Variants in PRKCA observed in about 807,000 individuals in gnomAD.
The protein encoded by PRKCA is protein kinase C alpha type.
Under a neutral mutation model 87.0 loss-of-function variants are expected in PRKCA, and 27 were observed. The observed-to-expected ratio is 0.31, with a 90% confidence interval of 0.23 to 0.43. The LOEUF (loss-of-function observed/expected upper bound fraction) is 0.43. Ranked by LOEUF, PRKCA falls within the 20% of genes least tolerant of loss-of-function variation. The pLI is 1.00. For synonymous variants in PRKCA, 329 were observed against 311.1 expected (o/e 1.06, Z -0.61); for missense variants, 518 against 852.3 (o/e 0.61, Z 4.88).
chr17:66,638,171 A>T (rs1263543930), intron 3 of PRKCA: 1 of 151,944 alleles, frequency 6.6e-6, no homozygotes, highest in Non-Finnish European at 1.5e-5. Context: ...TTGCAAATAT[A>T]AAAATGCGTT....
chr17:66,701,549 T>C (rs1455664935), intron 8 of PRKCA, among the ~76,000 whole-genome samples: 2 of 152,098 alleles, frequency 1.3e-5, no homozygotes, highest in African/African-American at 4.8e-5. Context: ...TTGCAAACTG[T>C]ATATCCAATA....
In PRKCA at chr17:66,739,776, G is replaced by A. The variant is rs143092904; in HGVS notation, c.1322+921G>A. Among the ~76,000 whole-genome samples the A allele has an allele frequency of 3.0e-4, 46 of 152,188 alleles. No individual in the cohort carries two copies. In the Middle Eastern group the frequency reaches 0.014, roughly 45 times the overall value. On this transcript the variant is annotated intron_variant, in intron 11 of 16. Coordinates refer to ENST00000413366, the MANE Select transcript of PRKCA (RefSeq NM_002737.3). The stretch of plus-strand genomic sequence containing the variant: ...ATTATTTGAGGGGCGGGGGAAGGGG[G>A]GAACGTGGTAGGTGGGGCTCTGGGT...
intron 10 of PRKCA, among the ~76,000 whole-genome samples, chr17:66,736,634 A>G (rs1200006313): frequency 6.6e-6 from 1 of 152,216 alleles, no homozygotes; most frequent in Non-Finnish European, 1.5e-5. Flanking sequence ...ATTGGAGCAT[A>G]AGGAGACTTG....
chr17:66,689,125 C>T lies in PRKCA; in HGVS notation c.918+78C>T. 1.1e-6 allele frequency: 1 copy of T among 905,388 alleles called. No individual in the cohort carries two copies. The highest frequency in any genetic ancestry group is 1.7e-5 in the African/African-American group (1 of 57,818). 56.1% of individuals were successfully genotyped at this position (905,388 alleles called of 1,614,324 possible). On this transcript the variant is annotated intron_variant, in intron 8 of 16. Transcript: ENST00000413366. The surrounding 1 kb of genome is among the most constrained non-coding windows in gnomAD (Gnocchi z 4.1). ...AGGAACGGCCGAGATGTTGTGGTCACATTTTTGAAAAGCAAAAAAAAAGTA... is the reference window on the plus strand; with the variant it reads ...AGGAACGGCCGAGATGTTGTGGTCATATTTTTGAAAAGCAAAAAAAAAGTA...
intron 3 of PRKCA, among the ~76,000 whole-genome samples, chr17:66,633,142 C>T (rs1451159738): frequency 2.0e-5 from 3 of 152,136 alleles, no homozygotes; most frequent in Non-Finnish European, 4.4e-5. Context: ...CAGACCCAGC[C>T]GCCTGAGAAG....
chr17:66,429,207 T>C (rs1912975396), intron 2 of PRKCA, among the ~76,000 whole-genome samples: 1 of 152,174 alleles, frequency 6.6e-6, no homozygotes, highest in East Asian at 1.9e-4. Context: ...ATAAATGTGC[T>C]TTACTCCTAA....
chr17:66,400,320 T>C (rs1037044528), intron 2 of PRKCA, among the ~76,000 whole-genome samples: 1 of 152,110 alleles, frequency 6.6e-6, no homozygotes, highest in Non-Finnish European at 1.5e-5. Flanking sequence ...CTCAGCTAAT[T>C]TTTGCATTTT....
At chr17:66,521,838 A>G (rs1049404892) in intron 3 of PRKCA, among the ~76,000 whole-genome samples, 4 of 151,988 alleles carry the variant, frequency 2.6e-5, no homozygotes, top group South Asian at 2.1e-4. Flanking sequence ...GTATTTCTTG[A>G]CTCCTTGAAA....
intron 2 of PRKCA, among the ~76,000 whole-genome samples, chr17:66,442,225 A>AT (rs141847660): frequency 0.25 from 36,068 of 143,616 alleles, 5,219 homozygotes; most frequent in African/African-American, 0.41. Flanking sequence ...TGCCTGGCTG[A>AT]TTTTTTTTTT....
chr17:66,535,370 C>T (rs894385773), intron 3 of PRKCA, among the ~76,000 whole-genome samples: 1 of 152,190 alleles, frequency 6.6e-6, no homozygotes, highest in Non-Finnish European at 1.5e-5. Flanking sequence ...GGGGCTCTTA[C>T]CTCAAGCCAA....
chr17:66,640,840 G>A (rs61762392), intron 3 of PRKCA: 17,259 of 401,686 alleles, frequency 0.043, 491 homozygotes, highest in East Asian at 0.14. Flanking sequence ...CCCATAAATA[G>A]AGGAAACATA....
rs1976074307 is a variant in PRKCA, at chr17:66,808,101, C to G, written c.*4064C>G. On this transcript the variant is annotated 3_prime_UTR_variant, in exon 17 of 17. Coordinates refer to ENST00000413366, the MANE Select transcript of PRKCA (RefSeq NM_002737.3). ...TTCCCCTCCCCACCTTGAAGTAGCT[C>G]ATAGTTCTCTGGGCAGAGCCAGACC... 6.6e-6 allele frequency: 1 copy of G among 152,180 alleles called. No individual in the cohort carries two copies. The highest frequency in any genetic ancestry group is 1.5e-5 in the Non-Finnish European group (1 of 68,068). The allele number at this position is 152,180 out of a possible 1,614,324, so 9.4% of individuals were successfully genotyped here.
At chr17:66,400,624 T>C (rs749506417) in intron 2 of PRKCA, among the ~76,000 whole-genome samples, 8 of 152,344 alleles carry the variant, frequency 5.3e-5, no homozygotes, top group Middle Eastern at 3.4e-3. Context: ...TTCAATTCTT[T>C]AGGATAGATA....
At position 66,419,559 on chromosome 17, in the gene PRKCA, A is replaced by G; in HGVS notation, c.206-76642A>G. On this transcript the variant is annotated intron_variant, in intron 2 of 16. Transcript: ENST00000413366. ...ATTTTTAAAGTTTTCTTAGTATATT[A>G]TAAATTGTGCCCTGGTCAAGTACAA... Among the ~76,000 whole-genome samples, 6 of 152,334 alleles carry G rather than the reference A, an allele frequency of 3.9e-5. 1 individual carries two copies. The Middle Eastern group carries it at 0.014, about 348-fold the overall frequency.
chr17:66,498,109 T>C (rs1916559542), intron 3 of PRKCA, among the ~76,000 whole-genome samples: 1 of 152,092 alleles, frequency 6.6e-6, no homozygotes, highest in South Asian at 2.1e-4. Context: ...AACTAGTTAG[T>C]GTCATTCCCC....
At chr17:66,674,155 G>A (rs1302664496) in intron 5 of PRKCA, among the ~76,000 whole-genome samples, 1 of 152,216 alleles carries the variant, frequency 6.6e-6, no homozygotes, top group African/African-American at 2.4e-5. Flanking sequence ...CTGGGGATGC[G>A]AGGGGGTGTG....
chr17:66,422,428 A>G (rs558882728), intron 2 of PRKCA, among the ~76,000 whole-genome samples: 1 of 152,354 alleles, frequency 6.6e-6, no homozygotes, highest in Admixed American at 6.5e-5. Context: ...CCTAGAGCAT[A>G]GCGTAAGCCC....
intron 3 of PRKCA, among the ~76,000 whole-genome samples, chr17:66,537,461 A>G (rs1019479904): frequency 6.6e-5 from 10 of 152,190 alleles, no homozygotes; most frequent in African/African-American, 2.2e-4. Context: ...TTGAAACTGT[A>G]GTTGGGATTC....
chr17:66,749,333 CT>C (rs1974379005), intron 13 of PRKCA, among the ~76,000 whole-genome samples: 1 of 151,738 alleles, frequency 6.6e-6, no homozygotes, highest in African/African-American at 2.4e-5. Flanking sequence ...CACTAGCTCC[CT>C]TTCCACTCTC....
Sources: allele counts gnomAD v4.1 joint callset (sites outside exome capture counted in the v4.1 genomes callset), GRCh38; gene constraint gnomAD v4.1.1; non-coding constraint Gnocchi (gnomAD v3.1); transcripts MANE v1.5; gene names NCBI Gene and HGNC (gene_info 2026-07-23, HGNC 2026-07-21).